Variants in STK32A observed in about 807,000 individuals in gnomAD.
STK32A encodes the protein serine/threonine-protein kinase 32A.
Under a neutral mutation model 53.2 loss-of-function variants are expected in STK32A, and 41 were observed. The ratio of observed to expected loss-of-function variants is 0.77; its 90% confidence interval spans 0.60 to 1.00. The LOEUF (loss-of-function observed/expected upper bound fraction) is 1.00. Among genes scored for constraint, STK32A ranks in the 50% least tolerant of loss-of-function variants. STK32A has a pLI of 0.00. For missense variants in STK32A, 458 were observed against 485.8 expected (o/e 0.94, Z 0.54); for synonymous variants, 166 against 162.8 (o/e 1.02, Z -0.15).
chr5:147,261,178 C>T (rs1754552638), intron 2 of STK32A, among the ~76,000 whole-genome samples: 2 of 152,180 alleles, frequency 1.3e-5, no homozygotes, highest in East Asian at 1.9e-4. Flanking sequence ...GGAATGCAAT[C>T]CCAGAAGAGC....
At chr5:147,299,148 G>A (rs1268167092) in intron 4 of STK32A, among the ~76,000 whole-genome samples, 1 of 152,162 alleles carries the variant, frequency 6.6e-6, no homozygotes, top group Admixed American at 6.5e-5. Flanking sequence ...GCAGCCCTGA[G>A]GACTGCTGGT....
chr5:147,369,181 T>C lies in STK32A; in HGVS notation c.661-1473T>C, dbSNP rs190449647. On this transcript the variant is annotated intron_variant, in intron 8 of 12. Transcript: ENST00000397936. ...GATATAGCTATGGTCCTTTATTTAG[T>C]GTTGAGGGGGTAAATATGGCAGTTG... Among the ~76,000 whole-genome samples, 211 of 152,242 alleles carry C rather than the reference T, an allele frequency of 1.4e-3. 1 individual carries two copies. The highest frequency in any genetic ancestry group is 2.3e-3 in the Non-Finnish European group (156 of 67,998).
intron 7 of STK32A, among the ~76,000 whole-genome samples, chr5:147,361,222 A>G (rs1238539839): frequency 7.2e-5 from 11 of 152,200 alleles, no homozygotes; most frequent in Admixed American, 7.2e-4. Flanking sequence ...TGAGCCACAT[A>G]TTTGAGGCCC....
intron 1 of STK32A, among the ~76,000 whole-genome samples, chr5:147,236,523 T>A (rs936414356): frequency 2.5e-4 from 37 of 150,850 alleles, no homozygotes; most frequent in Middle Eastern, 3.4e-3. Flanking sequence ...TAGATTTCTT[T>A]CTGAATATGA....
At chr5:147,335,499 G>C (rs988081526) in intron 5 of STK32A, among the ~76,000 whole-genome samples, 4 of 152,048 alleles carry the variant, frequency 2.6e-5, no homozygotes, top group African/African-American at 9.7e-5. Flanking sequence ...CCATGTGATT[G>C]CAAGAAAGCT....
chr5:147,311,191 G>A lies in STK32A; in HGVS notation c.261-12707G>A, dbSNP rs530475563. Among the ~76,000 whole-genome samples, 10 of 152,174 alleles carry A rather than the reference G, an allele frequency of 6.6e-5. No individual in the cohort carries two copies. The East Asian group carries it at 1.9e-3, about 29-fold the overall frequency. ...CAATCAAACTTGGGTCCTTCTGTTA[G>A]TTTCTATCACAGTATCCTTCACTTT... On this transcript the variant is annotated intron_variant, in intron 4 of 12. Transcript: ENST00000397936.
intron 6 of STK32A, among the ~76,000 whole-genome samples, chr5:147,348,476 G>T (rs1308930394): frequency 7.2e-5 from 11 of 152,312 alleles, no homozygotes. Context: ...GTAAGAATCT[G>T]CATATCTAAC....
At chr5:147,387,904 A>G (rs1162395484), downstream of STK32A, 2 of 152,058 alleles carry the variant, frequency 1.3e-5, no homozygotes, top group African/African-American at 2.4e-5. Context: ...GTGTGTGTGT[A>G]ATTGTTTTCT....
intron 4 of STK32A, among the ~76,000 whole-genome samples, chr5:147,304,632 G>A (rs773872931): frequency 7.0e-4 from 106 of 152,292 alleles, no homozygotes; most frequent in Non-Finnish European, 1.1e-3. Flanking sequence ...AATAGTTCTG[G>A]TAGAGGAGGA....
chr5:147,323,177 G>A (rs1379526163), intron 4 of STK32A, among the ~76,000 whole-genome samples: 1 of 152,176 alleles, frequency 6.6e-6, no homozygotes, highest in Non-Finnish European at 1.5e-5. Context: ...GCATCGTGAG[G>A]AAGGACTGGG....
At chr5:147,376,495 A>G (rs973145436) in intron 11 of STK32A, among the ~76,000 whole-genome samples, 3 of 152,130 alleles carry the variant, frequency 2.0e-5, no homozygotes, top group Non-Finnish European at 4.4e-5. Flanking sequence ...AAACCAAGAG[A>G]TCCTTTTTAT....
chr5:147,371,222 A>T (rs1756992493), intron 9 of STK32A, among the ~76,000 whole-genome samples: 1 of 152,164 alleles, frequency 6.6e-6, no homozygotes, highest in Admixed American at 6.6e-5. Context: ...GGGTTTGTCC[A>T]CATACACTTT....
chr5:147,271,601 G>T (rs188275459), intron 2 of STK32A, among the ~76,000 whole-genome samples: 2 of 152,260 alleles, frequency 1.3e-5, no homozygotes, highest in East Asian at 1.9e-4. Flanking sequence ...CTTTTTCTCA[G>T]CAATGAACAT....
chr5:147,316,889 C>T (rs1253426995), intron 4 of STK32A, among the ~76,000 whole-genome samples: 1 of 137,216 alleles, frequency 7.3e-6, no homozygotes, highest in Non-Finnish European at 1.6e-5. Flanking sequence ...AAAAGGAAGA[C>T]TTAAACATAC....
chr5:147,305,665 G>T (rs1483947964), intron 4 of STK32A, among the ~76,000 whole-genome samples: 2 of 151,918 alleles, frequency 1.3e-5, no homozygotes, highest in Non-Finnish European at 2.9e-5. Flanking sequence ...AGGAGGAGAG[G>T]TACAAAATGA....
At chr5:147,401,808 C>T in the STK32A span, 4 of 1,332,984 alleles carry the variant, frequency 3.0e-6, no homozygotes, top group Non-Finnish European at 4.1e-6. Context: ...CAGAGTCAGA[C>T]TGACCTGGGT....
At chr5:147,338,193 T>A (rs1755232910) in intron 5 of STK32A, among the ~76,000 whole-genome samples, 1 of 152,156 alleles carries the variant, frequency 6.6e-6, no homozygotes, top group Non-Finnish European at 1.5e-5. Context: ...AGGAGTTAAT[T>A]GAGTCATGGG....
chr5:147,245,018 T>G (rs973856927), intron 2 of STK32A, among the ~76,000 whole-genome samples: 1 of 152,234 alleles, frequency 6.6e-6, no homozygotes, highest in Non-Finnish European at 1.5e-5. Context: ...CCTATTCATG[T>G]TTCTATTGAC....
intron 2 of STK32A, among the ~76,000 whole-genome samples, chr5:147,254,587 C>T (rs1342410032): frequency 6.6e-6 from 1 of 152,184 alleles, no homozygotes. Flanking sequence ...CACACTTGGA[C>T]AAGGGAGGAG....
Sources: allele counts gnomAD v4.1 joint callset (sites outside exome capture counted in the v4.1 genomes callset), GRCh38; gene constraint gnomAD v4.1.1; transcripts MANE v1.5; gene names NCBI Gene and HGNC (gene_info 2026-07-23, HGNC 2026-07-21).